The following AOAH variants were observed in gnomAD, a reference collection of about 807,000 sequenced individuals.
AOAH encodes acyloxyacyl hydrolase.
AOAH carries 64 observed loss-of-function variants against 92.2 expected under a neutral mutation model. The observed-to-expected ratio is 0.69, with a 90% confidence interval of 0.57 to 0.86. AOAH has a LOEUF of 0.86. AOAH is among the 40% of genes least tolerant of loss of function. AOAH has a pLI of 0.00. For synonymous variants in AOAH, 263 were observed against 254.5 expected (o/e 1.03, Z -0.32); for missense variants, 656 against 694.6 (o/e 0.94, Z 0.62).
intron 1 of AOAH, among the ~76,000 whole-genome samples, chr7:36,713,953 A>G (rs1219216903): frequency 1.3e-5 from 2 of 152,228 alleles, no homozygotes; most frequent in Non-Finnish European, 2.9e-5. Flanking sequence ...AAAAGCTAGC[A>G]GAAGGCAAGA....
chr7:36,645,954 T>C (rs1794196081), intron 4 of AOAH, among the ~76,000 whole-genome samples: 1 of 152,224 alleles, frequency 6.6e-6, no homozygotes, highest in Non-Finnish European at 1.5e-5. Context: ...TCAGAGTATT[T>C]AATCACACTC....
At chr7:36,564,792 C>T (rs1787564334) in intron 13 of AOAH, among the ~76,000 whole-genome samples, 1 of 152,208 alleles carries the variant, frequency 6.6e-6, no homozygotes, top group Non-Finnish European at 1.5e-5. Context: ...ATCAAAAGCG[C>T]ACACTCTTCA....
chr7:36,639,411 C>T (rs1793745402), intron 4 of AOAH, among the ~76,000 whole-genome samples: 1 of 152,180 alleles, frequency 6.6e-6, no homozygotes, highest in Non-Finnish European at 1.5e-5. Flanking sequence ...CAGAAATAGT[C>T]CTTTGCATTC....
chr7:36,613,787 A>G (rs1419309728), intron 11 of AOAH, among the ~76,000 whole-genome samples: 1 of 152,124 alleles, frequency 6.6e-6, no homozygotes, highest in African/African-American at 2.4e-5. Context: ...TTTCCTCTCA[A>G]TTATTGTTGA....
chr7:36,525,014 C>A (rs753355373), intron 19 of AOAH, among the ~76,000 whole-genome samples: 16 of 152,290 alleles, frequency 1.1e-4, no homozygotes, highest in Non-Finnish European at 2.2e-4. Flanking sequence ...CAGACAGAGC[C>A]TACTAAAAAG....
intron 4 of AOAH, among the ~76,000 whole-genome samples, chr7:36,655,057 G>T (rs1458261233): frequency 6.6e-6 from 1 of 152,166 alleles, no homozygotes; most frequent in Non-Finnish European, 1.5e-5. Flanking sequence ...TACCAAGTAA[G>T]TATGTGCCTG....
At chr7:36,660,901 T>C (rs1795181772) in intron 3 of AOAH, 1 of 152,238 alleles carries the variant, frequency 6.6e-6, no homozygotes, top group Non-Finnish European at 1.5e-5. Flanking sequence ...CTTCTTTAAG[T>C]ATAAACTCTA....
intron 2 of AOAH, among the ~76,000 whole-genome samples, chr7:36,684,169 C>T (rs1393719937): frequency 6.6e-6 from 1 of 152,148 alleles, no homozygotes; most frequent in Non-Finnish European, 1.5e-5. Flanking sequence ...CTTTGTCATA[C>T]CAGTTAGTGA....
chr7:36,572,505 A>G (rs1788208793), intron 13 of AOAH, among the ~76,000 whole-genome samples: 1 of 151,890 alleles, frequency 6.6e-6, no homozygotes, highest in Non-Finnish European at 1.5e-5. Context: ...CCTGAGTGAC[A>G]GAGTGAGACC....
At chr7:36,576,853 G>A (rs577814508) in intron 12 of AOAH, among the ~76,000 whole-genome samples, 197 bp from the exon 13 acceptor site, 10 of 152,248 alleles carry the variant, frequency 6.6e-5, no homozygotes, top group African/African-American at 2.4e-4. Flanking sequence ...ATGAAATTGA[G>A]TTGTATGGGT....
At chr7:36,537,611 C>T (rs961028910) in intron 16 of AOAH, among the ~76,000 whole-genome samples, 4 of 151,608 alleles carry the variant, frequency 2.6e-5, no homozygotes, top group Admixed American at 6.6e-5. Flanking sequence ...CTCCGCCTCC[C>T]GGGTTCAAGC....
At position 36,579,119 on chromosome 7, in the gene AOAH, G is replaced by A. The variant is rs552330703; in HGVS notation, c.939-2463C>T. On this transcript the variant is annotated intron_variant, in intron 12 of 20. Coordinates refer to ENST00000617537, the MANE Select transcript of AOAH (RefSeq NM_001637.4). Reference sequence around the variant, plus strand: ...GTGCTTAACCATGTGTGAGAAATCCGCCTCCATGTTTCAATCACCTCAAAT... The same window carrying A: ...GTGCTTAACCATGTGTGAGAAATCCACCTCCATGTTTCAATCACCTCAAAT... Among the ~76,000 whole-genome samples, 49 of 152,098 alleles carry A rather than the reference G, an allele frequency of 3.2e-4. No individual in the cohort carries two copies. The South Asian group carries it at 6.4e-3, about 20-fold the overall frequency.
chr7:36,679,498 G>A (rs1796502445), intron 2 of AOAH, among the ~76,000 whole-genome samples: 1 of 139,412 alleles, frequency 7.2e-6, no homozygotes, highest in Admixed American at 7.3e-5. Flanking sequence ...ATGTGCTTAG[G>A]ACATTTTATT....
intron 11 of AOAH, among the ~76,000 whole-genome samples, chr7:36,602,008 C>T (rs936341817): frequency 1.3e-5 from 2 of 152,202 alleles, no homozygotes; most frequent in Admixed American, 6.5e-5. Flanking sequence ...GTAGCAATAA[C>T]TACTCAGCAC....
chr7:36,559,368 C>T (rs184603689), intron 13 of AOAH, among the ~76,000 whole-genome samples: 65 of 152,272 alleles, frequency 4.3e-4, no homozygotes, highest in African/African-American at 1.4e-3. Flanking sequence ...CCACCAGTAG[C>T]GTATAACCAT....
chr7:36,693,123 T>A (rs1321444154), intron 1 of AOAH, among the ~76,000 whole-genome samples: 1 of 152,222 alleles, frequency 6.6e-6, no homozygotes, highest in Non-Finnish European at 1.5e-5. Context: ...TACTACAGAC[T>A]ATAGGCTTCA....
intron 1 of AOAH, among the ~76,000 whole-genome samples, chr7:36,691,778 T>G (rs1797414597): frequency 6.6e-6 from 1 of 152,214 alleles, no homozygotes; most frequent in Admixed American, 6.5e-5. Context: ...TCTGGCCTTG[T>G]GACTTGCTTT....
rs1177436766 is a variant in AOAH, at chr7:36,634,770, A to G, written c.451-2664T>C. ...AGGCCTTGGTCTAATTCTCCTAACA[A>G]CAGTCTAGATTTTAACACTGGTAAT... On this transcript the variant is annotated intron_variant, in intron 5 of 20. Coordinates refer to ENST00000617537, the MANE Select transcript of AOAH (RefSeq NM_001637.4). Among the ~76,000 whole-genome samples, 4 of 152,332 alleles carry G rather than the reference A, an allele frequency of 2.6e-5. No homozygotes were observed. The East Asian group carries it at 7.7e-4, about 29-fold the overall frequency.
chr7:36,574,322 A>G (rs1788339555), intron 13 of AOAH, among the ~76,000 whole-genome samples: 1 of 152,184 alleles, frequency 6.6e-6, no homozygotes, highest in African/African-American at 2.4e-5. Flanking sequence ...CTTCGAGCAC[A>G]TTTTGACACG....
Sources: gnomAD v4.1 joint callset for allele counts (sites outside exome capture counted in the v4.1 genomes callset) on GRCh38, gnomAD v4.1.1 for gene constraint, MANE v1.5 for transcripts, NCBI Gene and HGNC (gene_info 2026-07-23, HGNC 2026-07-21) for gene names.